PTPRK: variants seen among roughly 807,000 people sequenced by gnomAD.
PTPRK encodes receptor-type tyrosine-protein phosphatase kappa.
Under a neutral mutation model 178.0 loss-of-function variants are expected in PTPRK, and 75 were observed. The ratio of observed to expected loss-of-function variants is 0.42; its 90% CI spans 0.35 to 0.51. PTPRK has a LOEUF of 0.51. Among genes scored for constraint, PTPRK ranks in the 20% least tolerant of loss-of-function variants. PTPRK has a pLI of 0.02. For synonymous variants in PTPRK, 637 were observed against 620.6 expected (o/e 1.03, Z -0.39); for missense variants, 1,441 against 1,797.8 (o/e 0.80, Z 3.59).
At chr6:128,214,485 T>G (rs145139969) in intron 6 of PTPRK, among the ~76,000 whole-genome samples, 2 of 152,140 alleles carry the variant, frequency 1.3e-5, no homozygotes, top group Non-Finnish European at 2.9e-5. Context: ...CGCTCTGGAG[T>G]CCTGTGTACA....
intron 11 of PTPRK, among the ~76,000 whole-genome samples, chr6:128,077,291 T>C (rs1046720785): frequency 1.3e-4 from 20 of 152,004 alleles, no homozygotes; most frequent in South Asian, 2.1e-4. Flanking sequence ...TCACAGATCA[T>C]TGATTCATGA....
At chr6:128,106,062 T>G (rs1789669494) in intron 7 of PTPRK, among the ~76,000 whole-genome samples, 1 of 152,320 alleles carries the variant, frequency 6.6e-6, no homozygotes, top group South Asian at 2.1e-4. Context: ...GCAAGTTACT[T>G]AACATCCACA....
chr6:128,020,681 A>G (rs1773367353), intron 13 of PTPRK, among the ~76,000 whole-genome samples: 1 of 152,150 alleles, frequency 6.6e-6, no homozygotes, highest in East Asian at 1.9e-4. Flanking sequence ...AACAAATAAA[A>G]CCTTTACTAG....
At chr6:128,244,712 G>A (rs1237231133) in intron 3 of PTPRK, among the ~76,000 whole-genome samples, 1 of 152,168 alleles carries the variant, frequency 6.6e-6, no homozygotes, top group African/African-American at 2.4e-5. Context: ...ATCAGGCTAT[G>A]GTTCTAGCTT....
intron 3 of PTPRK, among the ~76,000 whole-genome samples, chr6:128,312,360 G>GA (rs557007719): frequency 7.9e-4 from 120 of 152,298 alleles, no homozygotes; most frequent in Middle Eastern, 3.4e-3. Flanking sequence ...CTGCCATGGG[G>GA]AAGAGGTTCC....
At position 128,013,333 on chromosome 6, in the gene PTPRK, C is replaced by A. The variant is rs570210958; in HGVS notation, c.2195-4065G>T. On this transcript the variant is annotated intron_variant, in intron 13 of 29. Transcript: ENST00000368226. ...TTGGTGATCTTATCCATTTTCATCT[C>A]TTTAGTTACCATCCTGATAACTGAT... Among the ~76,000 whole-genome samples the A allele has an allele frequency of 4.0e-5, 6 of 151,536 alleles. No individual in the cohort carries two copies. The South Asian group carries it at 1.2e-3, about 31-fold the overall frequency.
At chr6:128,249,000 C>T (rs1815988893) in intron 3 of PTPRK, among the ~76,000 whole-genome samples, 1 of 152,110 alleles carries the variant, frequency 6.6e-6, no homozygotes, top group Admixed American at 6.5e-5. Flanking sequence ...CAGGCTCTCT[C>T]TGCCTTTTTT....
intron 7 of PTPRK, among the ~76,000 whole-genome samples, chr6:128,156,785 C>T (rs556409236): frequency 5.9e-4 from 90 of 152,010 alleles, no homozygotes; most frequent in African/African-American, 2.1e-3. Flanking sequence ...GGATCCACTT[C>T]TAAATAGTTC....
chr6:128,168,974 G>A (rs1008216508), intron 7 of PTPRK, among the ~76,000 whole-genome samples: 1 of 152,062 alleles, frequency 6.6e-6, no homozygotes, highest in Non-Finnish European at 1.5e-5. Context: ...AAATAAGCCA[G>A]ACACAGGCAG....
At chr6:128,016,010 C>T (rs1476155387) in intron 13 of PTPRK, among the ~76,000 whole-genome samples, 3 of 151,644 alleles carry the variant, frequency 2.0e-5, no homozygotes, top group Non-Finnish European at 3.0e-5. Context: ...CCTGAAATAT[C>T]TCTACCTGTT....
At chr6:128,501,494 T>G (rs1163029673) in intron 1 of PTPRK, among the ~76,000 whole-genome samples, 1 of 152,216 alleles carries the variant, frequency 6.6e-6, no homozygotes, top group Non-Finnish European at 1.5e-5. Flanking sequence ...TCTTACAATA[T>G]GCCTTAAAAT....
At chr6:128,499,459 T>C (rs1308445342) in intron 1 of PTPRK, among the ~76,000 whole-genome samples, 1 of 152,254 alleles carries the variant, frequency 6.6e-6, no homozygotes, top group African/African-American at 2.4e-5. Flanking sequence ...ACCCTGTAAA[T>C]ATCCAGAAAT....
intron 1 of PTPRK, among the ~76,000 whole-genome samples, chr6:128,510,161 G>C (rs1469159846): frequency 6.6e-6 from 1 of 152,100 alleles, no homozygotes; most frequent in Admixed American, 6.5e-5. Flanking sequence ...CTCAACCACT[G>C]TCTACACCCC....
intron 15 of PTPRK, among the ~76,000 whole-genome samples, chr6:127,999,584 C>T (rs112985485): frequency 0.011 from 1,642 of 152,116 alleles, 35 homozygotes; most frequent in African/African-American, 0.037. Flanking sequence ...GAAATCAGGG[C>T]GCGCTTCTGG....
intron 4 of PTPRK, chr6:128,241,157 T>A (rs1814352830): frequency 2.1e-6 from 1 of 487,342 alleles, no homozygotes; most frequent in South Asian, 1.6e-5. Context: ...TTCTTAGAAT[T>A]TACCAACCAC....
intron 13 of PTPRK, among the ~76,000 whole-genome samples, chr6:128,058,754 T>C (rs577053536): frequency 6.6e-5 from 10 of 152,006 alleles, no homozygotes; most frequent in East Asian, 1.9e-4. Flanking sequence ...TGGTGGAGGA[T>C]GGTGGAGTCA....
At chr6:127,997,552 T>C (rs1562404391) in intron 16 of PTPRK, among the ~76,000 whole-genome samples, 2 of 152,086 alleles carry the variant, frequency 1.3e-5, no homozygotes, top group Admixed American at 6.6e-5. Context: ...GAAGAATTTG[T>C]TGACTAGTTT....
At chr6:128,195,842 T>C (rs1158811433) in intron 6 of PTPRK, among the ~76,000 whole-genome samples, 1 of 152,162 alleles carries the variant, frequency 6.6e-6, no homozygotes, top group Non-Finnish European at 1.5e-5. Context: ...CAACTAAGTT[T>C]TATAACGTAA....
intron 6 of PTPRK, among the ~76,000 whole-genome samples, chr6:128,202,741 T>G (rs1356705258): frequency 6.6e-6 from 1 of 152,176 alleles, no homozygotes; most frequent in Non-Finnish European, 1.5e-5. Flanking sequence ...TGACAAATTC[T>G]GAAATTGAGG....
Sources: gnomAD v4.1 joint callset for allele counts (sites outside exome capture counted in the v4.1 genomes callset) on GRCh38, gnomAD v4.1.1 for gene constraint, MANE v1.5 for transcripts, NCBI Gene and HGNC (gene_info 2026-07-23, HGNC 2026-07-21) for gene names.